The following DGKH variants were observed in gnomAD, a reference collection of about 807,000 sequenced individuals.
DGKH encodes the protein DAG kinase eta.
A neutral mutation model predicts 159.3 loss-of-function variants in DGKH; 90 were observed. The ratio of observed to expected loss-of-function variants is 0.57; its 90% CI spans 0.48 to 0.67. DGKH has a LOEUF of 0.67. DGKH is among the 30% of genes least tolerant of loss of function. The pLI is 0.00. For missense variants in DGKH, 1,181 were observed against 1,506.1 expected (o/e 0.78, Z 3.57); for synonymous variants, 536 against 553.8 (o/e 0.97, Z 0.45).
chr13:42,220,166 G>A (rs1277922112), intron 28 of DGKH, among the ~76,000 whole-genome samples: 1 of 152,110 alleles, frequency 6.6e-6, no homozygotes, highest in Non-Finnish European at 1.5e-5. Context: ...TGTATAATTT[G>A]TTTTTCTTCT....
intron 1 of DGKH, among the ~76,000 whole-genome samples, chr13:42,073,293 G>A (rs1883094907): frequency 6.6e-6 from 1 of 152,156 alleles, no homozygotes; most frequent in African/African-American, 2.4e-5. Context: ...TGTGTATTTT[G>A]TGCAGGAGAT....
chr13:42,198,780 G>A (rs1374925016), intron 18 of DGKH, among the ~76,000 whole-genome samples, 185 bp downstream of exon 18: 1 of 151,988 alleles, frequency 6.6e-6, no homozygotes, highest in Non-Finnish European at 1.5e-5. Flanking sequence ...AGTGGTCTCC[G>A]TGATCTGTCC....
At chr13:42,111,173 C>T (rs1270632839) in intron 1 of DGKH, among the ~76,000 whole-genome samples, 1 of 123,576 alleles carries the variant, frequency 8.1e-6, no homozygotes, top group African/African-American at 2.9e-5. Context: ...AAAATACAGT[C>T]TCAAGGAGGT....
chr13:42,146,008 A>G (rs1245266739), intron 3 of DGKH, among the ~76,000 whole-genome samples: 1 of 152,186 alleles, frequency 6.6e-6, no homozygotes, highest in African/African-American at 2.4e-5. Context: ...GGTGCTAATA[A>G]TAACTAATTT....
At chr13:42,069,905 C>T in intron 1 of DGKH, 5 of 721,690 alleles carry the variant, frequency 6.9e-6, no homozygotes, top group South Asian at 1.8e-5. Context: ...TTTCAGGGAT[C>T]GACTTGTACT....
intron 1 of DGKH, among the ~76,000 whole-genome samples, chr13:42,074,151 G>A (rs556668827): frequency 1.3e-5 from 2 of 152,242 alleles, no homozygotes; most frequent in Admixed American, 6.5e-5. Context: ...GTACATAGTG[G>A]AAAACTCAAT....
chr13:42,113,372 T>C (rs1954904170), intron 1 of DGKH, among the ~76,000 whole-genome samples: 1 of 152,218 alleles, frequency 6.6e-6, no homozygotes, highest in Admixed American at 6.5e-5. Flanking sequence ...TGCCCTACTC[T>C]AAACCAATTG....
intron 13 of DGKH, among the ~76,000 whole-genome samples, 167 bp from the exon 14 acceptor site, chr13:42,186,882 G>A (rs1956942681): frequency 6.6e-6 from 1 of 152,088 alleles, no homozygotes; most frequent in Admixed American, 6.5e-5. Context: ...AGAATGTCTT[G>A]GACTTATGTG....
At chr13:42,103,176 GGAGTGTCATTTT>G (rs1954684828) in intron 1 of DGKH, among the ~76,000 whole-genome samples, 1 of 152,086 alleles carries the variant, frequency 6.6e-6, no homozygotes, top group South Asian at 2.1e-4. Flanking sequence ...GTGGTTTTGT[GGAGTGTCATTTT>G]GAAGGAAGCA....
chr13:42,082,862 TTTTG>T (rs1954225990), intron 1 of DGKH, among the ~76,000 whole-genome samples: 1 of 152,206 alleles, frequency 6.6e-6, no homozygotes, highest in South Asian at 2.1e-4. Context: ...ACCTTGCTTG[TTTTG>T]TTTAAGTATC....
At chr13:42,149,326 C>T (rs4624054) in intron 3 of DGKH, among the ~76,000 whole-genome samples, 55,260 of 151,906 alleles carry the variant, frequency 0.36, 10,970 homozygotes, top group South Asian at 0.45. Flanking sequence ...TCTCATTGCA[C>T]CCCAGATGTT....
intron 24 of DGKH, among the ~76,000 whole-genome samples, chr13:42,212,540 A>G (rs1351911309): frequency 6.6e-6 from 1 of 152,156 alleles, no homozygotes. Flanking sequence ...CATCCTGTGA[A>G]CCAACCAAAT....
chr13:42,251,695 C>T (rs1383561738), intron 29 of DGKH, among the ~76,000 whole-genome samples: 2 of 152,184 alleles, frequency 1.3e-5, no homozygotes, highest in South Asian at 2.1e-4. Flanking sequence ...ACTACCACCT[C>T]GTATTCACCT....
chr13:42,144,412 C>T (rs79466226), intron 3 of DGKH, among the ~76,000 whole-genome samples: 5,392 of 152,140 alleles, frequency 0.035, 179 homozygotes, highest in South Asian at 0.095. Context: ...GTGGGCCAGA[C>T]CCGGTGGCTC....
chr13:42,239,830 C>T lies in DGKH; in HGVS notation c.*10642C>T, dbSNP rs1270577746. The T allele has an allele frequency of 6.6e-6, 1 of 152,192 alleles. No individual in the cohort carries two copies. The highest frequency in any genetic ancestry group is 2.4e-5 in the African/African-American group (1 of 41,406). The allele number at this position is 152,192 out of a possible 1,614,324, so 9.4% of individuals were successfully genotyped here. ...TGTCTATGACCTTGCCTCTTTCTTC[C>T]TTTTTAGTATCCTCACCAACCTTCC... On this transcript the variant is annotated 3_prime_UTR_variant, in exon 30 of 30. Coordinates refer to ENST00000337343, the MANE Select transcript of DGKH (RefSeq NM_178009.5).
Position 42,215,622 on chromosome 13 carries a change from G to A in DGKH, c.3168G>A (p.Ala1056=), listed in dbSNP as rs781121134. Residue 1056 remains alanine, a synonymous_variant, in exon 26 of 30, where the codon GCG becomes GCA. Transcript: ENST00000337343. ...TATEIAINVK[A]LYNETESLLV... is the part of the protein sequence containing the mutation. ...CTGAAATAGCCATCAATGTGAAGGC[G>A]CTGTATAATGAAACAGAATCTTTGC... 5 of 1,611,486 alleles carry A rather than the reference G, an allele frequency of 3.1e-6. No individual in the cohort carries two copies. The highest frequency in any genetic ancestry group is 2.2e-5 in the East Asian group (1 of 44,870).
chr13:42,113,504 AC>A (rs1369186487), intron 1 of DGKH, among the ~76,000 whole-genome samples: 1 of 152,262 alleles, frequency 6.6e-6, no homozygotes, highest in Non-Finnish European at 1.5e-5. Context: ...ACAGAGTCTT[AC>A]ATTTACTTTT....
chr13:42,201,735 A>C (rs1031664285), intron 20 of DGKH, among the ~76,000 whole-genome samples: 3 of 152,222 alleles, frequency 2.0e-5, no homozygotes, highest in African/African-American at 7.2e-5. Context: ...CTTACCAATA[A>C]GATTAAAATA....
At chr13:42,192,484 A>C (rs1009014518) in intron 16 of DGKH, among the ~76,000 whole-genome samples, 1 of 152,148 alleles carries the variant, frequency 6.6e-6, no homozygotes, top group East Asian at 1.9e-4. Context: ...GAGCAATTTC[A>C]TATACATTTG....
Sources: gnomAD v4.1 joint callset for allele counts (sites outside exome capture counted in the v4.1 genomes callset) on GRCh38, gnomAD v4.1.1 for gene constraint, MANE v1.5 for transcripts, NCBI Gene and HGNC (gene_info 2026-07-23, HGNC 2026-07-21) for gene names.